PPP3CA: variants seen among roughly 807,000 people sequenced by gnomAD.
PPP3CA encodes protein phosphatase 3 catalytic subunit alpha.
A neutral mutation model predicts 66.5 loss-of-function variants in PPP3CA; 14 were observed. The ratio of observed to expected loss-of-function variants is 0.21; its 90% CI spans 0.14 to 0.33. The LOEUF is 0.33. Ranked by LOEUF, PPP3CA falls within the 10% of genes least tolerant of loss-of-function variation. The probability of loss-of-function intolerance (pLI) is 1.00; values close to 1 mark genes in which losing one functional copy is unlikely to be tolerated. For synonymous variants in PPP3CA, 232 were observed against 226.2 expected, an observed-to-expected ratio of 1.03 and a Z score of -0.23; for missense variants, 317 against 639.5, an observed-to-expected ratio of 0.50 and a Z score of 5.44.
At chr4:101,189,887 G>C (rs1724542810) in intron 2 of PPP3CA, among the ~76,000 whole-genome samples, 1 of 151,886 alleles carries the variant, frequency 6.6e-6, no homozygotes, top group Non-Finnish European at 1.5e-5. Context: ...TCATGGATCG[G>C]AACCAGTCAG....
chr4:101,307,998 T>C (rs549372706), intron 1 of PPP3CA, among the ~76,000 whole-genome samples: 148 of 152,332 alleles, frequency 9.7e-4, no homozygotes, highest in African/African-American at 3.3e-3. Context: ...GAAAGCATAA[T>C]GGTTACTAAG....
chr4:101,245,576 A>C (rs1006578888), intron 1 of PPP3CA, among the ~76,000 whole-genome samples: 1 of 152,120 alleles, frequency 6.6e-6, no homozygotes, highest in African/African-American at 2.4e-5. Flanking sequence ...AGATTTCAAG[A>C]GCTACTATTT....
chr4:101,201,025 C>A (rs1724951235), intron 1 of PPP3CA, among the ~76,000 whole-genome samples: 1 of 152,038 alleles, frequency 6.6e-6, no homozygotes, highest in Admixed American at 6.6e-5. Flanking sequence ...AGACTTGATA[C>A]AGTATTTTAA....
chr4:101,211,340 T>G (rs1444403757), intron 1 of PPP3CA, among the ~76,000 whole-genome samples: 1 of 152,182 alleles, frequency 6.6e-6, no homozygotes, highest in Non-Finnish European at 1.5e-5. Flanking sequence ...TTGAGTTCAC[T>G]ATTCCCTACC....
intron 2 of PPP3CA, among the ~76,000 whole-genome samples, chr4:101,162,751 G>A (rs1159428108): frequency 6.6e-6 from 1 of 152,008 alleles, no homozygotes; most frequent in East Asian, 1.9e-4. Flanking sequence ...CTTGCCCTGG[G>A]TTTAAAAGTT....
chr4:101,139,430 C>T (rs1722726432), intron 2 of PPP3CA, among the ~76,000 whole-genome samples: 1 of 151,366 alleles, frequency 6.6e-6, no homozygotes. Flanking sequence ...ATTCTTTTAA[C>T]TCCTACTAAT....
Position 101,213,175 on chromosome 4 carries a change from G to GT in PPP3CA, c.59-17060dup, listed in dbSNP as rs1203193647. 2.6e-5 allele frequency among the ~76,000 whole-genome samples: 4 copies of GT among 152,074 alleles called. No homozygotes were observed. The East Asian group carries it at 5.8e-4, about 22-fold the overall frequency. ...TTTAATCAAAGTCATAAATATGATA[G>GT]TTTTTTTAAGGAAAGGACATACTAT... On this transcript the variant is annotated intron_variant, in intron 1 of 13. Transcript: ENST00000394854.
chr4:101,324,166 A>AAGGGAGGG (rs1729134775), intron 1 of PPP3CA, among the ~76,000 whole-genome samples: 1 of 101,796 alleles, frequency 9.8e-6, no homozygotes, highest in Non-Finnish European at 2.1e-5. Flanking sequence ...GGAAGGAAGG[A>AAGGGAGGG]AGGAAGGAAG....
chr4:101,075,332 G>C (rs1446057285), intron 8 of PPP3CA, among the ~76,000 whole-genome samples: 1 of 152,084 alleles, frequency 6.6e-6, no homozygotes, highest in Non-Finnish European at 1.5e-5. Context: ...TACTAAATTA[G>C]TTTCGTTGCC....
At chr4:101,083,774 C>T (rs1475212795) in intron 6 of PPP3CA, among the ~76,000 whole-genome samples, 1 of 152,168 alleles carries the variant, frequency 6.6e-6, no homozygotes, top group African/African-American at 2.4e-5. Context: ...AGATTTAAGA[C>T]TCCTCCCATA....
chr4:101,252,883 T>C (rs1173398029), intron 1 of PPP3CA, among the ~76,000 whole-genome samples: 1 of 152,090 alleles, frequency 6.6e-6, no homozygotes, highest in Non-Finnish European at 1.5e-5. Flanking sequence ...CACTTAATAT[T>C]TGGGGTAAAG....
At chr4:101,100,131 G>T (rs1730376469) in intron 3 of PPP3CA, among the ~76,000 whole-genome samples, 1 of 152,022 alleles carries the variant, frequency 6.6e-6, no homozygotes, top group Admixed American at 6.6e-5. Flanking sequence ...GAGATTCCCT[G>T]AACTTCAATT....
chr4:101,189,696 A>AAC (rs920114403), intron 2 of PPP3CA, among the ~76,000 whole-genome samples: 1 of 151,168 alleles, frequency 6.6e-6, no homozygotes, highest in African/African-American at 2.4e-5. Context: ...GCAAAAAAAA[A>AAC]AAAAAAAACA....
chr4:101,059,619 T>C (rs1728373935), intron 10 of PPP3CA, among the ~76,000 whole-genome samples: 1 of 152,256 alleles, frequency 6.6e-6, no homozygotes, highest in Middle Eastern at 3.4e-3. Context: ...AATCATGTCA[T>C]TTGGAAACCA....
chr4:101,066,960 A>G (rs1391506207), intron 8 of PPP3CA, among the ~76,000 whole-genome samples: 2 of 152,180 alleles, frequency 1.3e-5, no homozygotes, highest in Non-Finnish European at 2.9e-5. Context: ...GAAAAAAAGA[A>G]CAAAAGTCTA....
At chr4:101,315,217 G>A (rs1728848513) in intron 1 of PPP3CA, among the ~76,000 whole-genome samples, 1 of 152,148 alleles carries the variant, frequency 6.6e-6, no homozygotes, top group Non-Finnish European at 1.5e-5. Flanking sequence ...ACACATCTAT[G>A]AAGGAAATAG....
At chr4:101,345,037 A>G (rs1729936134) in intron 1 of PPP3CA, among the ~76,000 whole-genome samples, 1 of 152,202 alleles carries the variant, frequency 6.6e-6, no homozygotes, top group African/African-American at 2.4e-5. Flanking sequence ...ATAAATGTGA[A>G]TGGACTGTTT....
intron 1 of PPP3CA, among the ~76,000 whole-genome samples, chr4:101,293,923 G>C (rs1728111813): frequency 6.6e-6 from 1 of 151,996 alleles, no homozygotes; most frequent in African/African-American, 2.4e-5. Flanking sequence ...TCAGACACTA[G>C]GAACGGGCCT....
chr4:101,069,574 G>T (rs558667792), intron 8 of PPP3CA, among the ~76,000 whole-genome samples: 23 of 152,260 alleles, frequency 1.5e-4, no homozygotes, highest in African/African-American at 5.3e-4. Flanking sequence ...GTAATCTTAT[G>T]ACTATGTGCA....
Sources: gnomAD v4.1 joint callset for allele counts (sites outside exome capture counted in the v4.1 genomes callset) on GRCh38, gnomAD v4.1.1 for gene constraint, MANE v1.5 for transcripts, NCBI Gene and HGNC (gene_info 2026-07-23, HGNC 2026-07-21) for gene names.